DNAH6: variants seen among roughly 807,000 people sequenced by gnomAD.
DNAH6 encodes the protein dynein axonemal heavy chain 6.
In DNAH6, 340 loss-of-function variants were observed where a neutral mutation model predicts 491.4. The ratio of observed to expected loss-of-function variants is 0.69; its 90% CI spans 0.63 to 0.76. The LOEUF (loss-of-function observed/expected upper bound fraction) is 0.76, where lower values mean the gene tolerates loss of function less well. Ranked by LOEUF, DNAH6 falls within the 30% of genes least tolerant of loss-of-function variation. The probability of loss-of-function intolerance (pLI) is 0.00; values close to 1 mark genes in which losing one functional copy is unlikely to be tolerated. For synonymous variants in DNAH6, 1,603 were observed against 1,686.1 expected (o/e 0.95, Z 1.21); for missense variants, 4,443 against 4,972.2 (o/e 0.89, Z 3.20).
chr2:84,487,746 C>G, the DNAH6 span, among the ~76,000 whole-genome samples: 2 of 152,154 alleles, frequency 1.3e-5, no homozygotes, highest in African/African-American at 4.8e-5. Context: ...TTTGGGCCCA[C>G]TGGTGGAAGA....
chr2:84,816,124 G>A (rs1372190651), intron 76 of DNAH6, 41 bp downstream of exon 76: 1 of 1,456,008 alleles, frequency 6.9e-7, no homozygotes, highest in Admixed American at 2.1e-5. Context: ...ATGACCAAAT[G>A]CAATCTTCAA....
intron 68 of DNAH6, among the ~76,000 whole-genome samples, chr2:84,793,734 C>T (rs1355877775): frequency 2.6e-5 from 4 of 152,224 alleles, no homozygotes; most frequent in Non-Finnish European, 5.9e-5. Context: ...TAACCATCAG[C>T]CCTGGTACCT....
rs904549451 is a variant in DNAH6, at chr2:84,703,405, G to A, written c.8072G>A (p.Arg2691Gln). The change falls in exon 50 of 77, where the codon CGG becomes CAG. Residue 2691 changes from arginine to glutamine, a missense_variant. Physicochemically the swap from Arg to Gln is conservative, Grantham distance 43. Around this residue, in one of 3 missense-constraint regions of DNAH6, gnomAD observed 2,977 missense variants for 3,296.6 expected, o/e 0.90. Coordinates refer to ENST00000389394, the MANE Select transcript of DNAH6 (RefSeq NM_001370.2). ...TTCATTGTCACTTAGGCACGAGATCGGGTGAAGAATGGTCTCACCAAGCTA... is the reference window on the plus strand; with the variant it reads ...TTCATTGTCACTTAGGCACGAGATCAGGTGAAGAATGGTCTCACCAAGCTA... Reference protein sequence around the residue: ...KRKQIISARDRVKNGLTKLLE... With the variant: ...KRKQIISARDQVKNGLTKLLE... 6.8e-5 allele frequency: 103 copies of A among 1,506,200 alleles called. No individual in the cohort carries two copies. Among genetic ancestry groups the A allele is most frequent in the South Asian group, 2.1e-4 (16 of 75,642 alleles). The allele number at this position is 1,506,200 out of a possible 1,614,324, so 93.3% of individuals were successfully genotyped here.
At chr2:84,569,286 TC>T (rs1681537136) in intron 11 of DNAH6, among the ~76,000 whole-genome samples, 1 of 151,922 alleles carries the variant, frequency 6.6e-6, no homozygotes, top group Non-Finnish European at 1.5e-5. Flanking sequence ...CAAAAGAATA[TC>T]TATAGTATAC....
At chr2:84,462,275 A>ATTC in the DNAH6 span, among the ~76,000 whole-genome samples, 54 of 152,340 alleles carry the variant, frequency 3.5e-4, no homozygotes, top group Non-Finnish European at 5.9e-5. Flanking sequence ...TATTCAGTGG[A>ATTC]AGGCTGATCA....
Position 84,811,414 on chromosome 2 carries a change from C to G in DNAH6, c.11740-927C>G, listed in dbSNP as rs142747108. Among the ~76,000 whole-genome samples the G allele has an allele frequency of 3.4e-4, 52 of 152,334 alleles. No homozygotes were observed. The East Asian group carries it at 0.01, about 29-fold the overall frequency. On this transcript the variant is annotated intron_variant, in intron 72 of 76. Coordinates refer to ENST00000389394, the MANE Select transcript of DNAH6 (RefSeq NM_001370.2). ...CTTTAGCCAGGTGGCAAACATCGCCCTGTACTCCACTCCAGCCCAGTGTCT... is the reference window on the plus strand; with the variant it reads ...CTTTAGCCAGGTGGCAAACATCGCCGTGTACTCCACTCCAGCCCAGTGTCT...
At chr2:84,806,984 T>C (rs1679483315) in intron 71 of DNAH6, among the ~76,000 whole-genome samples, 1 of 152,168 alleles carries the variant, frequency 6.6e-6, no homozygotes, top group Admixed American at 6.5e-5. Context: ...GAGAGATGAA[T>C]GGATAGCTGC....
intron 64 of DNAH6, among the ~76,000 whole-genome samples, chr2:84,770,869 A>G (rs1328916200): frequency 6.6e-6 from 1 of 152,100 alleles, no homozygotes; most frequent in Non-Finnish European, 1.5e-5. Flanking sequence ...ATGCGCCTGT[A>G]GTCCCAGCTA....
chr2:84,475,631 T>C, the DNAH6 span, among the ~76,000 whole-genome samples: 1 of 152,202 alleles, frequency 6.6e-6, no homozygotes, highest in Non-Finnish European at 1.5e-5. Context: ...TTACCTCCAA[T>C]GCCATCACAA....
the DNAH6 span, among the ~76,000 whole-genome samples, chr2:84,474,429 C>A: frequency 6.7e-6 from 1 of 150,210 alleles, no homozygotes; most frequent in African/African-American, 2.5e-5. Context: ...AGAGGCTCAA[C>A]AATGGCTGCT....
At chr2:84,728,698 A>G (rs556297553) in intron 61 of DNAH6, among the ~76,000 whole-genome samples, 1 of 152,302 alleles carries the variant, frequency 6.6e-6, no homozygotes, top group South Asian at 2.1e-4. Flanking sequence ...GGAAGTGACA[A>G]AATGACTTGA....
the DNAH6 span, among the ~76,000 whole-genome samples, chr2:84,462,392 C>T: frequency 3.2e-4 from 48 of 152,234 alleles, no homozygotes; most frequent in African/African-American, 1.1e-3. Flanking sequence ...ATTGATATGT[C>T]ATGCCTTCCT....
chr2:84,745,174 A>T lies in DNAH6; in HGVS notation c.10437A>T (p.Ala3479=). ...ACATGAGACAGGAAAAGGAGGCAGC[A>T]CACCAAGATCCATGGAGTGCAGGAT... ...DKHMRQEKEA[A]HQDPWSAGLS... Residue 3479 remains alanine (A), a synonymous_variant, in exon 63 of 77, where the codon GCA becomes GCT. Coordinates refer to ENST00000389394, the MANE Select transcript of DNAH6 (RefSeq NM_001370.2). 1 of 1,550,352 alleles carries T rather than the reference A, an allele frequency of 6.5e-7. No homozygotes were observed. The highest frequency in any genetic ancestry group is 2.4e-5 in the East Asian group (1 of 40,862).
In DNAH6 at chr2:84,669,268, G is replaced by A. The variant is rs748516033; in HGVS notation, c.6085-21G>A. On this transcript the variant is annotated intron_variant, in intron 37 of 76. Transcript: ENST00000389394. ...TATTGCTTATTCCCTATTGAAAGTGGTGTTTAATTTTGTACTTTAGCTTCC... is the reference window on the plus strand; with the variant it reads ...TATTGCTTATTCCCTATTGAAAGTGATGTTTAATTTTGTACTTTAGCTTCC... 7 of 1,515,862 alleles carry A rather than the reference G, an allele frequency of 4.6e-6. No homozygotes were observed. In the South Asian group the frequency reaches 4.8e-5, roughly 10 times the overall value. The allele number at this position is 1,515,862 out of a possible 1,614,324, so 93.9% of individuals were successfully genotyped here.
At chr2:84,802,191 A>G (rs1326704365) in intron 70 of DNAH6, among the ~76,000 whole-genome samples, 1 of 152,178 alleles carries the variant, frequency 6.6e-6, no homozygotes, top group East Asian at 1.9e-4. Context: ...CCACAACAAA[A>G]ACAACACCTC....
chr2:84,473,624 G>C, the DNAH6 span, among the ~76,000 whole-genome samples: 2 of 152,168 alleles, frequency 1.3e-5, no homozygotes, highest in African/African-American at 4.8e-5. Context: ...ACATAGCATA[G>C]GTAGGAATGC....
chr2:84,468,504 A>C, the DNAH6 span, among the ~76,000 whole-genome samples: 2 of 152,326 alleles, frequency 1.3e-5, no homozygotes, highest in Admixed American at 6.5e-5. Flanking sequence ...AGAATTTCTT[A>C]TGCCAAATGA....
intron 62 of DNAH6, among the ~76,000 whole-genome samples, chr2:84,739,991 C>T (rs1672356507): frequency 6.6e-6 from 1 of 151,292 alleles, no homozygotes; most frequent in African/African-American, 2.4e-5. Flanking sequence ...GGTTACTCCT[C>T]ATCTGAGAGA....
At position 84,797,627 on chromosome 2, in the gene DNAH6, G is replaced by A. The variant is rs774046392; in HGVS notation, c.11450G>A (p.Gly3817Glu). ...LPLIDDPEIFGMHENANLVFQ... is the reference protein window; with the variant it reads ...LPLIDDPEIFEMHENANLVFQ... ...TTGATCGATGACCCAGAAATTTTTG[G>A]AATGCATGAAAATGCTAATCTAGTC... The change falls in exon 70 of 77, where the codon GGA (glycine) becomes GAA (glutamate). Residue 3817 changes from glycine (G) to glutamate (E), a missense_variant. By Grantham distance (98) the Gly-to-Glu change is moderately conservative (BLOSUM62 -2). This residue lies in a region of DNAH6 where 1,463 missense variants were observed against 1,656.6 expected (regional missense o/e 0.88). Coordinates refer to ENST00000389394, the MANE Select transcript of DNAH6 (RefSeq NM_001370.2). The A allele has an allele frequency of 1.3e-6, 2 of 1,551,406 alleles. No homozygotes were observed. Among genetic ancestry groups the A allele is most frequent in the South Asian group, 2.4e-5 (2 of 84,044 alleles).
Sources: gnomAD v4.1 joint callset for allele counts (sites outside exome capture counted in the v4.1 genomes callset) on GRCh38, gnomAD v4.1.1 for gene constraint, gnomAD v4.1.1 regional missense constraint, MANE v1.5 for transcripts, NCBI Gene and HGNC (gene_info 2026-07-23, HGNC 2026-07-21) for gene names.